Variants in TRA2A observed in about 807,000 individuals in gnomAD.
TRA2A encodes the protein transformer 2 alpha homolog.
In TRA2A, 31 loss-of-function variants were observed where a neutral mutation model predicts 45.7. The ratio of observed to expected loss-of-function variants is 0.68; its 90% CI spans 0.51 to 0.92. TRA2A has a LOEUF of 0.92. Among genes scored for constraint, TRA2A ranks in the 40% least tolerant of loss-of-function variants. The pLI, the probability that TRA2A is intolerant of heterozygous loss-of-function variation, is 0.00. For missense variants in TRA2A, 304 were observed against 367.5 expected (o/e 0.83, Z 1.41); for synonymous variants, 132 against 126.2 (o/e 1.05, Z -0.31).
At chr7:23,505,856 C>A (rs748361101) in intron 6 of TRA2A, 43 bp from the exon 7 acceptor site, 7 of 1,198,716 alleles carry the variant, frequency 5.8e-6, no homozygotes, top group Middle Eastern at 2.0e-4. Flanking sequence ...TATAATCACT[C>A]CACTGAGGCA....
intron 1 of TRA2A, among the ~76,000 whole-genome samples, chr7:23,526,990 T>C (rs1194720529): frequency 6.6e-6 from 1 of 152,182 alleles, no homozygotes; most frequent in Non-Finnish European, 1.5e-5. Flanking sequence ...TGTACAAATT[T>C]TAAACGTGGT....
intron 4 of TRA2A, among the ~76,000 whole-genome samples, chr7:23,512,493 G>T (rs1226100622): frequency 6.6e-6 from 1 of 151,840 alleles, no homozygotes; most frequent in African/African-American, 2.4e-5. Flanking sequence ...GAGTCTCACT[G>T]TGTCGCCCAG....
intron 1 of TRA2A, 111 bp from the exon 2 acceptor site, chr7:23,521,951 A>C: frequency 6.7e-7 from 1 of 1,483,004 alleles, no homozygotes; most frequent in Non-Finnish European, 9.0e-7. Context: ...ACAAATGGTT[A>C]GACAACACCC....
At chr7:23,516,010 A>G (rs1331252086) in intron 3 of TRA2A, among the ~76,000 whole-genome samples, 3 of 152,004 alleles carry the variant, frequency 2.0e-5, no homozygotes, top group African/African-American at 7.2e-5. Context: ...CCCCATTTCT[A>G]AAAACACAAA....
chr7:23,507,266 A>C (rs1332478883), intron 5 of TRA2A, 154 bp downstream of exon 5: 3 of 609,092 alleles, frequency 4.9e-6, no homozygotes, highest in Non-Finnish European at 8.6e-6. Flanking sequence ...CACCTGGCTG[A>C]TTTTTTATTT....
intron 1 of TRA2A, among the ~76,000 whole-genome samples, chr7:23,524,368 G>C (rs969649215): frequency 2.0e-5 from 3 of 152,088 alleles, no homozygotes; most frequent in African/African-American, 7.2e-5. Flanking sequence ...ATTTTTAATA[G>C]AGATGGGGTT....
chr7:23,531,253 C>A, intron 1 of TRA2A: 1 of 987,444 alleles, frequency 1.0e-6, no homozygotes, highest in Non-Finnish European at 1.2e-6. Flanking sequence ...CCGGTTCCAA[C>A]AGAGACGCGG....
At position 23,505,501 on chromosome 7, in the gene TRA2A, A is replaced by T. The variant is rs1290974791; in HGVS notation, c.*58T>A. 2.7e-4 allele frequency: 33 copies of T among 121,606 alleles called. No homozygotes were observed. Among genetic ancestry groups the T allele is most frequent in the East Asian group, 7.6e-4 (4 of 5,256 alleles). The allele number at this position is 121,606 out of a possible 1,614,324, so 7.5% of individuals were successfully genotyped here. ...CACAGCTTGGGGAAATCTCAGAATT[A>T]AAAAAAAAAAAAAAAAAAAGAGGAA... On this transcript the variant is annotated 3_prime_UTR_variant, in exon 8 of 8. Coordinates refer to ENST00000297071, the MANE Select transcript of TRA2A (RefSeq NM_013293.5).
chr7:23,531,619 G>C (rs1485857648), intron 1 of TRA2A, 170 bp downstream of exon 1: 3 of 668,956 alleles, frequency 4.5e-6, no homozygotes. Context: ...CGTGGTGTTT[G>C]GGGAAGGAGT....
In TRA2A at chr7:23,524,513, G is replaced by C. The variant is rs116555205; in HGVS notation, c.37-2673C>G. On this transcript the variant is annotated intron_variant, in intron 1 of 7. Transcript: ENST00000297071. The stretch of plus-strand genomic sequence containing the variant: ...TCAGATTTATTTTAAAAGAAGCTTT[G>C]CTTTTTATTATCAAAGGTGTCACAA... Among the ~76,000 whole-genome samples, 525 of 151,872 alleles carry C rather than the reference G, an allele frequency of 3.5e-3. 3 individuals are homozygous for C. Among genetic ancestry groups the C allele is most frequent in the African/African-American group, 0.012 (500 of 41,418 alleles).
At chr7:23,531,210 C>T (rs1790567164) in intron 1 of TRA2A, 2 of 986,982 alleles carry the variant, frequency 2.0e-6, no homozygotes, top group Admixed American at 6.1e-5. Context: ...CACCTTCAAC[C>T]TCAAGGCTTT....
In TRA2A at chr7:23,521,601, T is replaced by C. The variant is rs1584136794; in HGVS notation, c.170+106A>G. ...ACAAAGAGCAGTCTGAGAAAAACTA[T>C]AATTTTGAGTCTTTCGTGAAATTTC... is the stretch of plus-strand genomic sequence containing the variant. On this transcript the variant is annotated intron_variant, in intron 2 of 7. Coordinates refer to ENST00000297071, the MANE Select transcript of TRA2A (RefSeq NM_013293.5). 9 of 1,309,380 alleles carry C rather than the reference T, an allele frequency of 6.9e-6. No homozygotes were observed. The Admixed American group carries it at 1.1e-4, about 17-fold the overall frequency. 81.1% of individuals were successfully genotyped at this position (1,309,380 alleles called of 1,614,324 possible).
At chr7:23,517,540 G>A (rs557320075) in intron 2 of TRA2A, among the ~76,000 whole-genome samples, 2 of 142,630 alleles carry the variant, frequency 1.4e-5, no homozygotes, top group South Asian at 4.5e-4. Flanking sequence ...GGCCCAGGAG[G>A]ACAAGTCTAG....
At chr7:23,512,394 G>A (rs1789663562) in intron 4 of TRA2A, among the ~76,000 whole-genome samples, 1 of 152,178 alleles carries the variant, frequency 6.6e-6, no homozygotes, top group African/African-American at 2.4e-5. Flanking sequence ...TGAGGTAGGA[G>A]GACTGCTTGA....
intron 1 of TRA2A, among the ~76,000 whole-genome samples, chr7:23,528,485 C>T (rs957995546): frequency 1.3e-5 from 2 of 152,114 alleles, no homozygotes; most frequent in African/African-American, 4.8e-5. Flanking sequence ...GGATTACAGG[C>T]GTGAGCCACC....
chr7:23,516,297 A>C, intron 3 of TRA2A, 66 bp downstream of exon 3: 7 of 1,552,848 alleles, frequency 4.5e-6, no homozygotes, highest in Non-Finnish European at 6.2e-6. Context: ...CCTAAAAGCA[A>C]GATATGCCAT....
chr7:23,505,584 GCA>G lies in TRA2A; in HGVS notation c.839-17_839-16del. 4.2e-5 allele frequency: 7 copies of G among 168,064 alleles called. No homozygotes were observed. The highest frequency in any genetic ancestry group is 1.4e-4 in the South Asian group (1 of 7,298). 10.4% of individuals were successfully genotyped at this position (168,064 alleles called of 1,614,324 possible). On this transcript the variant is annotated splice_polypyrimidine_tract_variant and intron_variant, in intron 7 of 7. Transcript: ENST00000297071. ...TCAATAGCGTCCTAAAAGAGAAAAA[GCA>G]AAAAAAAAAAAAAAAAAAAAAAGTT...
At chr7:23,520,725 C>T (rs1295323363) in intron 2 of TRA2A, among the ~76,000 whole-genome samples, 2 of 139,748 alleles carry the variant, frequency 1.4e-5, no homozygotes, top group African/African-American at 2.7e-5. Context: ...AAGAGTCTCT[C>T]TGTCACCCAG....
intron 1 of TRA2A, among the ~76,000 whole-genome samples, chr7:23,530,481 C>T (rs1220110966): frequency 6.6e-6 from 1 of 152,206 alleles, no homozygotes; most frequent in Non-Finnish European, 1.5e-5. Flanking sequence ...AGCACACACA[C>T]CTCAGGTGTT....
Sources: gnomAD v4.1 joint callset for allele counts (sites outside exome capture counted in the v4.1 genomes callset) on GRCh38, gnomAD v4.1.1 for gene constraint, MANE v1.5 for transcripts, NCBI Gene and HGNC (gene_info 2026-07-23, HGNC 2026-07-21) for gene names.